The following CFAP210 variants were observed in gnomAD, a reference collection of about 807,000 sequenced individuals.
The protein encoded by CFAP210 is cilia- and flagella- associated protein 210.
the CFAP210 span, among the ~76,000 whole-genome samples, chr2:169,677,947 C>T: frequency 6.6e-6 from 1 of 151,972 alleles, no homozygotes; most frequent in East Asian, 1.9e-4. Flanking sequence ...TTTAAAAATA[C>T]CATTTACCAT....
the CFAP210 span, among the ~76,000 whole-genome samples, chr2:169,676,576 A>G: frequency 6.6e-6 from 1 of 152,100 alleles, no homozygotes; most frequent in Non-Finnish European, 1.5e-5. Context: ...GGCCCTGGCA[A>G]CCACTGATCT....
At chr2:169,683,592 A>G in the CFAP210 span, among the ~76,000 whole-genome samples, 1 of 152,184 alleles carries the variant, frequency 6.6e-6, no homozygotes, top group Non-Finnish European at 1.5e-5. Context: ...CTAAAATTCT[A>G]AAGAGGGTCA....
the CFAP210 span, among the ~76,000 whole-genome samples, chr2:169,675,926 A>G: frequency 6.6e-6 from 1 of 152,058 alleles, no homozygotes; most frequent in Non-Finnish European, 1.5e-5. Context: ...TATTGGTCCT[A>G]TTTCCTATGT....
At chr2:169,686,107 C>T in the CFAP210 span, among the ~76,000 whole-genome samples, 2 of 152,174 alleles carry the variant, frequency 1.3e-5, no homozygotes, top group Admixed American at 1.3e-4. Context: ...CACCCTCGAA[C>T]TCCCGGTCTC....
the CFAP210 span, among the ~76,000 whole-genome samples, chr2:169,653,755 C>T: frequency 6.6e-6 from 1 of 152,046 alleles, no homozygotes; most frequent in African/African-American, 2.4e-5. Context: ...AAATGGAGTT[C>T]CCTAGGGACT....
chr2:169,647,136 G>A, the CFAP210 span, among the ~76,000 whole-genome samples: 32 of 151,958 alleles, frequency 2.1e-4, no homozygotes, highest in Non-Finnish European at 2.2e-4. Context: ...TGAAATTGGG[G>A]ATAAAATGCC....
the CFAP210 span, among the ~76,000 whole-genome samples, chr2:169,668,642 G>T: frequency 6.6e-6 from 1 of 152,150 alleles, no homozygotes; most frequent in South Asian, 2.1e-4. Context: ...CAATATTGTT[G>T]TGTCTCAGGG....
chr2:169,677,937 T>G, the CFAP210 span, among the ~76,000 whole-genome samples: 1 of 152,102 alleles, frequency 6.6e-6, no homozygotes, highest in Non-Finnish European at 1.5e-5. Flanking sequence ...GATTGAAACT[T>G]TTAAAAATAC....
chr2:169,660,118 G>C, the CFAP210 span, among the ~76,000 whole-genome samples: 128 of 151,958 alleles, frequency 8.4e-4, 1 homozygote, highest in Non-Finnish European at 1.1e-3. Context: ...GCTGGGCACG[G>C]TGGCTCATGC....
the CFAP210 span, among the ~76,000 whole-genome samples, chr2:169,678,326 A>G: frequency 7.2e-6 from 1 of 139,852 alleles, no homozygotes; most frequent in Non-Finnish European, 1.5e-5. Context: ...GGGCAACAAG[A>G]GCGAAACTCT....
chr2:169,685,224 C>T, the CFAP210 span, among the ~76,000 whole-genome samples: 1 of 152,234 alleles, frequency 6.6e-6, no homozygotes, highest in African/African-American at 2.4e-5. Context: ...TACATTTCCA[C>T]TAACAACATA....
the CFAP210 span, among the ~76,000 whole-genome samples, chr2:169,673,051 A>C: frequency 6.6e-6 from 1 of 152,220 alleles, no homozygotes; most frequent in East Asian, 1.9e-4. Flanking sequence ...GTCACCATGC[A>C]CAAGGACAAA....
chr2:169,663,873 A>G, the CFAP210 span, among the ~76,000 whole-genome samples: 1 of 151,944 alleles, frequency 6.6e-6, no homozygotes, highest in Non-Finnish European at 1.5e-5. Context: ...CTAGAAGCAA[A>G]CTCACAAGTC....
At chr2:169,687,114 T>C in the CFAP210 span, among the ~76,000 whole-genome samples, 2 of 152,146 alleles carry the variant, frequency 1.3e-5, no homozygotes, top group Non-Finnish European at 2.9e-5. Context: ...CCAGCCCCCA[T>C]GATTCAATTA....
the CFAP210 span, among the ~76,000 whole-genome samples, chr2:169,684,648 CGTT>C: frequency 2.6e-4 from 40 of 151,544 alleles, no homozygotes; most frequent in African/African-American, 9.0e-4. Flanking sequence ...GATTCCTTTT[CGTT>C]GTTGTTGTTG....
chr2:169,662,685 C>T, the CFAP210 span, among the ~76,000 whole-genome samples: 2 of 152,170 alleles, frequency 1.3e-5, no homozygotes, highest in Admixed American at 1.3e-4. Context: ...GTGTTCTTTT[C>T]CTTTAGAAAG....
chr2:169,662,337 C>A, the CFAP210 span: 1 of 1,604,086 alleles, frequency 6.2e-7, no homozygotes, highest in Admixed American at 1.7e-5. Context: ...GTTTTTTTCT[C>A]ATTTCAATTT....
At chr2:169,661,833 T>C in the CFAP210 span, among the ~76,000 whole-genome samples, 1 of 152,148 alleles carries the variant, frequency 6.6e-6, no homozygotes, top group Non-Finnish European at 1.5e-5. Flanking sequence ...AGTTAGGCAT[T>C]TGCAGGCACA....
At chr2:169,677,256 T>C in the CFAP210 span, among the ~76,000 whole-genome samples, 2 of 152,154 alleles carry the variant, frequency 1.3e-5, no homozygotes, top group Non-Finnish European at 2.9e-5. Flanking sequence ...TCAAACTAGA[T>C]AAAGATATTT....
Sources: gnomAD v4.1 joint callset for allele counts (sites outside exome capture counted in the v4.1 genomes callset) on GRCh38, gnomAD v4.1.1 for gene constraint, MANE v1.5 for transcripts, NCBI Gene and HGNC (gene_info 2026-07-23, HGNC 2026-07-21) for gene names.